PARVB: variants seen among roughly 807,000 people sequenced by gnomAD.
The protein encoded by PARVB is parvin beta.
In PARVB, 46 loss-of-function variants were observed where a neutral mutation model predicts 47.0. That is an observed-to-expected ratio of 0.98 (90% CI 0.77 to 1.25). PARVB has a LOEUF of 1.25. PARVB is among the 50% of genes most tolerant of loss of function. PARVB has a pLI of 0.00. For missense variants in PARVB, 473 were observed against 471.6 expected, an observed-to-expected ratio of 1.00 and a Z score of -0.03; for synonymous variants, 196 against 196.3, an observed-to-expected ratio of 1.00 and a Z score of 0.01.
chr22:44,140,006 C>G, intron 7 of PARVB, 118 bp from the exon 8 acceptor site: 2 of 1,258,564 alleles, frequency 1.6e-6, no homozygotes, highest in Non-Finnish European at 2.3e-6. Context: ...AGGCCTTTAC[C>G]TGGGCAGCGA....
chr22:44,033,058 C>T (rs1037364109), intron 1 of PARVB, among the ~76,000 whole-genome samples: 2 of 152,188 alleles, frequency 1.3e-5, no homozygotes, highest in Admixed American at 6.5e-5. Context: ...AACTCTTCCC[C>T]TAGCTGTCTG....
rs12167483 is a variant in PARVB at position 44,017,072 on chromosome 22, G to T, written c.211+17399G>T. Among the ~76,000 whole-genome samples the T allele has an allele frequency of 6.2e-3, 935 of 151,674 alleles. 10 individuals carry two copies. Among genetic ancestry groups the T allele is most frequent in the African/African-American group, 0.021 (883 of 41,308 alleles). ...GTATTTTTAGTAGAGATGGGGTTTC[G>T]CCCTGTTGGCCAGGCTGGTCTCGAA... On this transcript the variant is annotated intron_variant, in intron 2 of 13. Transcript: ENST00000406477.
intron 1 of PARVB, chr22:44,086,726 T>C: frequency 1.0e-6 from 1 of 984,972 alleles, no homozygotes; most frequent in Non-Finnish European, 1.2e-6. Context: ...GGACTTATTT[T>C]TAGAAAAACT....
At chr22:44,115,797 G>A (rs1450345593) in intron 3 of PARVB, 2 of 134,912 alleles carry the variant, frequency 1.5e-5, no homozygotes, top group African/African-American at 3.0e-5. Context: ...CTAAGGCCCT[G>A]CACCAACACA....
At chr22:44,056,626 C>T (rs2051317102) in intron 1 of PARVB, among the ~76,000 whole-genome samples, 1 of 152,084 alleles carries the variant, frequency 6.6e-6, no homozygotes, top group African/African-American at 2.4e-5. Context: ...CCACCTCAGC[C>T]TCCTGAGTAG....
chr22:44,016,184 C>T (rs1018055520), intron 2 of PARVB, among the ~76,000 whole-genome samples: 1 of 151,312 alleles, frequency 6.6e-6, no homozygotes, highest in Non-Finnish European at 1.5e-5. Flanking sequence ...GCAAGCTCCA[C>T]CTCCCAGGTT....
intron 1 of PARVB, among the ~76,000 whole-genome samples, chr22:44,050,845 G>A (rs2051195858): frequency 6.6e-6 from 1 of 152,200 alleles, no homozygotes; most frequent in Non-Finnish European, 1.5e-5. Context: ...AATAACCTGG[G>A]AGAAAGTGCA....
rs909852 is a variant in PARVB at position 44,155,036 on chromosome 22, G to A, written c.844-2946G>A. The stretch of plus-strand genomic sequence containing the variant: ...GTGTGTGGTTTTTGTAGTCTGTGTG[G>A]TGTGTGTGTGTGTGTGTGTGTGGTT... On this transcript the variant is annotated intron_variant, in intron 10 of 12. Transcript: ENST00000338758. This position sits in a 1 kb window ranked among gnomAD's most constrained non-coding sequence, Gnocchi z 4.8. Among the ~76,000 whole-genome samples the A allele has an allele frequency of 2.4e-5, 1 of 40,912 alleles. No homozygotes were observed. Among genetic ancestry groups the A allele is most frequent in the East Asian group, 5.2e-4 (1 of 1,938 alleles). The allele number at this position is 40,912 out of a possible 152,430, so 26.8% of individuals were successfully genotyped here. A position where few individuals can be genotyped will look rare whatever the true frequency, so the allele number is the denominator to read the frequency against.
intron 4 of PARVB, among the ~76,000 whole-genome samples, chr22:44,121,479 A>G (rs1326732873): frequency 6.6e-6 from 1 of 152,020 alleles, no homozygotes; most frequent in Admixed American, 6.6e-5. Flanking sequence ...TGATTTCTGT[A>G]TCTTTATCAT....
intron 12 of PARVB, among the ~76,000 whole-genome samples, chr22:44,164,415 C>CG (rs1555913794): frequency 2.0e-4 from 28 of 139,178 alleles, no homozygotes; most frequent in African/African-American, 4.1e-4. Context: ...CCTGTCCCCC[C>CG]CCCGGCTCCT....
At chr22:44,166,007 C>G (rs1404660133) in intron 12 of PARVB, among the ~76,000 whole-genome samples, 6 of 152,254 alleles carry the variant, frequency 3.9e-5, no homozygotes, top group African/African-American at 1.4e-4. Flanking sequence ...AGCCTGGGCC[C>G]TATCTGCAGC....
At chr22:44,120,047 G>A (rs1174615930) in intron 4 of PARVB, 2 of 360,040 alleles carry the variant, frequency 5.6e-6, no homozygotes, top group African/African-American at 2.1e-5. Flanking sequence ...TACTGCCATC[G>A]CCTTCGACAG....
At chr22:44,121,077 A>G (rs936790252) in intron 4 of PARVB, among the ~76,000 whole-genome samples, 9 of 151,548 alleles carry the variant, frequency 5.9e-5, no homozygotes, top group African/African-American at 1.7e-4. Context: ...TCCTGACCTC[A>G]TGATCCACCC....
chr22:44,151,415 C>A (rs2053805243), intron 9 of PARVB, 68 bp from the exon 10 acceptor site: 1 of 1,182,234 alleles, frequency 8.5e-7, no homozygotes, highest in Non-Finnish European at 1.3e-6. Flanking sequence ...AAATGTCAAG[C>A]CTGCCCCTCC....
At chr22:44,053,586 C>T (rs1366161982) in intron 1 of PARVB, among the ~76,000 whole-genome samples, 3 of 152,192 alleles carry the variant, frequency 2.0e-5, no homozygotes, top group Non-Finnish European at 4.4e-5. Flanking sequence ...CCTGCACCAA[C>T]TGGCGGATAC....
chr22:44,155,811 T>C lies in PARVB; in HGVS notation c.844-2171T>C, dbSNP rs2053919992. Among the ~76,000 whole-genome samples, 1 of 152,110 alleles carries C rather than the reference T, an allele frequency of 6.6e-6. No individual in the cohort carries two copies. Among genetic ancestry groups the C allele is most frequent in the African/African-American group, 2.4e-5 (1 of 41,420 alleles). Reference sequence around the variant, plus strand: ...CTGGCTGCTTTGTGGTGTGGAAGGCTGAGGGCATGTGACATGGAGGCCAAG... The same window carrying C: ...CTGGCTGCTTTGTGGTGTGGAAGGCCGAGGGCATGTGACATGGAGGCCAAG... On this transcript the variant is annotated intron_variant, in intron 10 of 12. Coordinates refer to ENST00000338758, the MANE Select transcript of PARVB (RefSeq NM_013327.5). The surrounding 1 kb of genome is among the most constrained non-coding windows in gnomAD (Gnocchi z 4.8).
intron 1 of PARVB, among the ~76,000 whole-genome samples, chr22:44,077,522 G>A (rs1224538128): frequency 6.6e-6 from 1 of 152,156 alleles, no homozygotes. Context: ...AGCACACAGT[G>A]AGGTCTTCCA....
At chr22:44,055,445 C>A (rs1298228183) in intron 1 of PARVB, among the ~76,000 whole-genome samples, 1 of 151,788 alleles carries the variant, frequency 6.6e-6, no homozygotes, top group Non-Finnish European at 1.5e-5. Context: ...AGCAGTTCTC[C>A]TGCCTCAGCC....
chr22:44,120,251 C>T (rs1168804476), intron 4 of PARVB, among the ~76,000 whole-genome samples: 1 of 152,214 alleles, frequency 6.6e-6, no homozygotes, highest in Non-Finnish European at 1.5e-5. Flanking sequence ...GCTGAATGAG[C>T]AGATGTCCCT....
Sources: allele counts gnomAD v4.1 joint callset (sites outside exome capture counted in the v4.1 genomes callset), GRCh38; gene constraint gnomAD v4.1.1; non-coding constraint Gnocchi (gnomAD v3.1); transcripts MANE v1.5; gene names NCBI Gene and HGNC (gene_info 2026-07-23, HGNC 2026-07-21).